Variants in KDM2B observed in about 807,000 individuals in gnomAD.
The protein encoded by KDM2B is lysine demethylase 2B, also known as lysine-specific demethylase 2B.
In KDM2B, 26 loss-of-function variants were observed where a neutral mutation model predicts 150.0. That is an observed-to-expected ratio of 0.17 (90% CI 0.13 to 0.24). The LOEUF is 0.24. Among genes scored for constraint, KDM2B ranks in the 10% least tolerant of loss-of-function variants. The probability of loss-of-function intolerance (pLI) is 1.00; values close to 1 mark genes in which losing one functional copy is unlikely to be tolerated. For synonymous variants in KDM2B, 734 were observed against 729.5 expected (o/e 1.01, Z -0.10); for missense variants, 1,265 against 1,816.9 (o/e 0.70, Z 5.52).
At position 121,518,012 on chromosome 12, in the gene KDM2B, C is replaced by G. The variant is rs1411355952; in HGVS notation, c.1047+2973G>C. Among the ~76,000 whole-genome samples, 2 of 151,948 alleles carry G rather than the reference C, an allele frequency of 1.3e-5. No individual in the cohort carries two copies. Among genetic ancestry groups the G allele is most frequent in the Admixed American group, 1.3e-4 (2 of 15,242 alleles). The stretch of plus-strand genomic sequence containing the variant: ...GGTTCAAGCAATTCTCCTGCCTCAG[C>G]CTCCTGAGTAGCTGGGATTACAGGC... On this transcript the variant is annotated intron_variant, in intron 9 of 22. Transcript: ENST00000377071. The surrounding 1 kb of genome is among the most constrained non-coding windows in gnomAD (Gnocchi z 4.4).
chr12:121,490,043 TC>T (rs1883187418), intron 12 of KDM2B, among the ~76,000 whole-genome samples: 1 of 152,102 alleles, frequency 6.6e-6, no homozygotes, highest in South Asian at 2.1e-4. Context: ...CCGGAAGCAC[TC>T]GGGGCCTCTC....
chr12:121,458,461 C>A (rs1555293264), intron 12 of KDM2B, among the ~76,000 whole-genome samples: 2 of 138,208 alleles, frequency 1.4e-5, no homozygotes, highest in Non-Finnish European at 3.0e-5. Context: ...TCCTAAAATT[C>A]ATGAAAATGC....
chr12:121,529,932 A>C (rs1451054027), intron 8 of KDM2B, among the ~76,000 whole-genome samples: 1 of 150,042 alleles, frequency 6.7e-6, no homozygotes. Flanking sequence ...CTGTCTCAAA[A>C]AAAAAAAAAA....
chr12:121,408,726 A>T, the KDM2B span, among the ~76,000 whole-genome samples: 2 of 152,210 alleles, frequency 1.3e-5, no homozygotes, highest in Non-Finnish European at 2.9e-5. Flanking sequence ...GTGAAGAAGG[A>T]CAAAAACACT....
At chr12:121,539,745 CTGTT>C (rs1468819768) in intron 6 of KDM2B, among the ~76,000 whole-genome samples, 4 of 151,676 alleles carry the variant, frequency 2.6e-5, no homozygotes, top group Admixed American at 6.6e-5. Flanking sequence ...GTTTGTTTGT[CTGTT>C]TGTTTTTTAA....
At chr12:121,523,849 G>A (rs1315626510) in intron 8 of KDM2B, among the ~76,000 whole-genome samples, 1 of 152,232 alleles carries the variant, frequency 6.6e-6, no homozygotes, top group African/African-American at 2.4e-5. Context: ...CTGTGCGGTT[G>A]CAAGCGGCCG....
At chr12:121,550,129 G>C (rs1317935225) in intron 4 of KDM2B, among the ~76,000 whole-genome samples, 1 of 152,138 alleles carries the variant, frequency 6.6e-6, no homozygotes, top group Non-Finnish European at 1.5e-5. Context: ...GGCCAACATA[G>C]TGAAACCCCG....
At position 121,520,913 on chromosome 12, in the gene KDM2B, G is replaced by A; in HGVS notation, c.1047+72C>T. 8.6e-7 allele frequency: 1 copy of A among 1,158,460 alleles called. No homozygotes were observed. Among genetic ancestry groups the A allele is most frequent in the Non-Finnish European group, 1.3e-6 (1 of 775,758 alleles). 71.8% of individuals were successfully genotyped at this position (1,158,460 alleles called of 1,614,324 possible). On this transcript the variant is annotated intron_variant, in intron 9 of 22. Coordinates refer to ENST00000377071, the MANE Select transcript of KDM2B (RefSeq NM_032590.5). The surrounding 1 kb of genome is among the most constrained non-coding windows in gnomAD (Gnocchi z 4.5). ...ACTGTGGAGGACTTCAGTATGACCT[G>A]TCCCACACACCGAGCACCGGCAGAG...
At chr12:121,447,239 G>A (rs1158766624) in intron 13 of KDM2B, among the ~76,000 whole-genome samples, 1 of 151,022 alleles carries the variant, frequency 6.6e-6, no homozygotes, top group African/African-American at 2.5e-5. Flanking sequence ...GAAAATTCCA[G>A]GTCTTCTCTT....
At chr12:121,481,536 C>CG (rs1321527544) in intron 12 of KDM2B, among the ~76,000 whole-genome samples, 6 of 68,454 alleles carry the variant, frequency 8.8e-5, no homozygotes, top group South Asian at 1.0e-3. Context: ...AGAAAGAAGT[C>CG]GGGGGGGTGG....
At position 121,527,787 on chromosome 12, in the gene KDM2B, C is replaced by A. The variant is rs534251601; in HGVS notation, c.931+5019G>T. Among the ~76,000 whole-genome samples the A allele has an allele frequency of 3.9e-5, 6 of 151,962 alleles. No homozygotes were observed. In the South Asian group the frequency reaches 1.2e-3, roughly 32 times the overall value. ...CTCCAGCCTGGGCAACAAAGTAAGA[C>A]CCTGACTCAATAAAATAAAATAAAA... On this transcript the variant is annotated intron_variant, in intron 8 of 22. Coordinates refer to ENST00000377071, the MANE Select transcript of KDM2B (RefSeq NM_032590.5).
chr12:121,541,366 A>G (rs527895539), intron 6 of KDM2B, among the ~76,000 whole-genome samples: 36 of 139,424 alleles, frequency 2.6e-4, no homozygotes, highest in Non-Finnish European at 5.2e-4. Flanking sequence ...ACTGCACTGA[A>G]GCCTTGGCAA....
intron 22 of KDM2B, among the ~76,000 whole-genome samples, chr12:121,438,604 T>C (rs1266133633): frequency 6.6e-6 from 1 of 152,126 alleles, no homozygotes; most frequent in Non-Finnish European, 1.5e-5. Context: ...GAACAATCCC[T>C]GCCACCAAAA....
chr12:121,543,757 G>A (rs1023489369), intron 6 of KDM2B, among the ~76,000 whole-genome samples: 11 of 152,164 alleles, frequency 7.2e-5, no homozygotes, highest in Middle Eastern at 6.8e-3. Flanking sequence ...GTCAGAGGTT[G>A]CAGTGAGTCG....
rs1229999154 is a variant in KDM2B, at chr12:121,467,420, C to T, written c.1735-14076G>A. On this transcript the variant is annotated intron_variant, in intron 12 of 22. Coordinates refer to ENST00000377071, the MANE Select transcript of KDM2B (RefSeq NM_032590.5). The surrounding 1 kb of genome is among the most constrained non-coding windows in gnomAD (Gnocchi z 5.1). ...GGCCGGCGGGGGAGGGCCGGGGCGCCATGCATATGCATGAGGCGAGCCAGG... is the reference window on the plus strand; with the variant it reads ...GGCCGGCGGGGGAGGGCCGGGGCGCTATGCATATGCATGAGGCGAGCCAGG... 2.3e-6 allele frequency: 2 copies of T among 856,208 alleles called. No homozygotes were observed. Among genetic ancestry groups the T allele is most frequent in the Non-Finnish European group, 1.4e-6 (1 of 714,660 alleles). The allele number at this position is 856,208 out of a possible 1,614,324, so 53.0% of individuals were successfully genotyped here.
At chr12:121,450,394 AAAG>A (rs782635315) in intron 13 of KDM2B, among the ~76,000 whole-genome samples, 77 of 152,192 alleles carry the variant, frequency 5.1e-4, no homozygotes, top group Non-Finnish European at 9.6e-4. Context: ...ACATTTCTCC[AAAG>A]AAGACAGACA....
rs997379371 is a variant in KDM2B, at chr12:121,553,263, C to T, written c.398-3625G>A. Reference sequence around the variant, plus strand: ...AAAAAGAAAGAAAGAACCCCGGTACCCTCCCCACTCTCGCTCTCTGGCCAG... The same window carrying T: ...AAAAAGAAAGAAAGAACCCCGGTACTCTCCCCACTCTCGCTCTCTGGCCAG... On this transcript the variant is annotated intron_variant, in intron 4 of 22. Transcript: ENST00000377071. Among the ~76,000 whole-genome samples the T allele has an allele frequency of 2.0e-5, 3 of 151,726 alleles. No homozygotes were observed. The East Asian group carries it at 5.8e-4, about 29-fold the overall frequency.
intron 10 of KDM2B, among the ~76,000 whole-genome samples, chr12:121,511,769 A>T (rs1885613912): frequency 6.6e-6 from 1 of 152,222 alleles, no homozygotes; most frequent in Admixed American, 6.5e-5. Context: ...GGGCTGCTTA[A>T]AAAATATAAG....
chr12:121,516,496 C>T, intron 9 of KDM2B: 1 of 1,382,432 alleles, frequency 7.2e-7, no homozygotes, highest in Non-Finnish European at 9.5e-7. Context: ...CCACCCTTCG[C>T]CTTCAAAAGG....
Sources: gnomAD v4.1 joint callset for allele counts (sites outside exome capture counted in the v4.1 genomes callset) on GRCh38, gnomAD v4.1.1 for gene constraint, Gnocchi (gnomAD v3.1) non-coding constraint, MANE v1.5 for transcripts, NCBI Gene and HGNC (gene_info 2026-07-23, HGNC 2026-07-21) for gene names.